Variants in KCTD16 observed in about 807,000 individuals in gnomAD.
KCTD16 encodes BTB/POZ domain-containing protein KCTD16.
A neutral mutation model predicts 33.2 loss-of-function variants in KCTD16; 13 were observed. That is an observed-to-expected ratio of 0.39 (90% CI 0.25 to 0.62). KCTD16 has a LOEUF of 0.62. Among genes scored for constraint, KCTD16 ranks in the 20% least tolerant of loss-of-function variants. The pLI, the probability that KCTD16 is intolerant of heterozygous loss-of-function variation, is 0.50. For synonymous variants in KCTD16, 197 were observed against 195.3 expected, an observed-to-expected ratio of 1.01 and a Z score of -0.07; for missense variants, 441 against 525.1, an observed-to-expected ratio of 0.84 and a Z score of 1.57.
chr5:144,320,863 A>G (rs1167761307), intron 3 of KCTD16, among the ~76,000 whole-genome samples: 1 of 151,872 alleles, frequency 6.6e-6, no homozygotes, highest in East Asian at 1.9e-4. Context: ...TGTAAATGCC[A>G]ATTCTTTTTG....
chr5:144,442,043 T>C (rs1435496557), intron 3 of KCTD16, among the ~76,000 whole-genome samples: 2 of 152,150 alleles, frequency 1.3e-5, no homozygotes, highest in Admixed American at 6.6e-5. Flanking sequence ...GACTTGCACA[T>C]CTTTTGTTAA....
chr5:144,442,735 C>G (rs1208064910), intron 3 of KCTD16, among the ~76,000 whole-genome samples: 1 of 152,060 alleles, frequency 6.6e-6, no homozygotes, highest in Non-Finnish European at 1.5e-5. Context: ...ACTCTCCACT[C>G]TCTGTTTCAC....
intron 2 of KCTD16, among the ~76,000 whole-genome samples, chr5:144,195,477 C>A (rs538791369): frequency 6.6e-6 from 1 of 152,274 alleles, no homozygotes; most frequent in Admixed American, 6.5e-5. Context: ...GCTTGGTCAC[C>A]TTTTGTCAGC....
intron 3 of KCTD16, among the ~76,000 whole-genome samples, chr5:144,428,940 T>A (rs1753395675): frequency 6.6e-6 from 1 of 152,184 alleles, no homozygotes. Context: ...TTAACATCAG[T>A]TGGCAAGAAT....
intron 3 of KCTD16, among the ~76,000 whole-genome samples, chr5:144,455,975 T>C (rs186952827): frequency 1.3e-5 from 2 of 152,042 alleles, no homozygotes; most frequent in Non-Finnish European, 2.9e-5. Flanking sequence ...CTGTGTCTCA[T>C]ACTATGCCAC....
intron 3 of KCTD16, among the ~76,000 whole-genome samples, chr5:144,399,091 C>T (rs557799654): frequency 2.2e-4 from 33 of 152,132 alleles, no homozygotes; most frequent in Non-Finnish European, 4.0e-4. Flanking sequence ...TGAACTCCTA[C>T]TATCTATGAA....
At chr5:144,443,600 C>G (rs1753759431) in intron 3 of KCTD16, among the ~76,000 whole-genome samples, 1 of 151,926 alleles carries the variant, frequency 6.6e-6, no homozygotes, top group Non-Finnish European at 1.5e-5. Context: ...TACTGATTTT[C>G]AAGATGATGA....
intron 2 of KCTD16, among the ~76,000 whole-genome samples, chr5:144,204,739 T>G (rs1445848788): frequency 6.6e-6 from 1 of 152,130 alleles, no homozygotes; most frequent in African/African-American, 2.4e-5. Context: ...CATCATTAAT[T>G]TCAGAGAGAG....
intron 3 of KCTD16, among the ~76,000 whole-genome samples, chr5:144,382,874 A>T (rs1752247035): frequency 6.6e-6 from 1 of 152,232 alleles, no homozygotes; most frequent in Admixed American, 6.5e-5. Context: ...CAGTAATGTC[A>T]CCACTAAATT....
intron 3 of KCTD16, among the ~76,000 whole-genome samples, chr5:144,438,489 C>T (rs1173458930): frequency 6.6e-6 from 1 of 152,190 alleles, no homozygotes; most frequent in Admixed American, 6.6e-5. Context: ...AGACAAGTTC[C>T]TATTTCATAG....
intron 3 of KCTD16, among the ~76,000 whole-genome samples, chr5:144,296,296 G>T (rs1370408732): frequency 6.6e-6 from 1 of 152,170 alleles, no homozygotes; most frequent in Non-Finnish European, 1.5e-5. Flanking sequence ...TTTATTAACT[G>T]AATGAATGCA....
intron 3 of KCTD16, among the ~76,000 whole-genome samples, chr5:144,219,191 GTCTCCC>G (rs1753657016): frequency 6.6e-6 from 1 of 152,054 alleles, no homozygotes; most frequent in African/African-American, 2.4e-5. Flanking sequence ...CAGGCATTTT[GTCTCCC>G]AGCTCTTTTA....
intron 3 of KCTD16, among the ~76,000 whole-genome samples, chr5:144,416,213 A>T (rs140121856): frequency 6.6e-6 from 1 of 152,344 alleles, no homozygotes; most frequent in African/African-American, 2.4e-5. Flanking sequence ...ACACAAGCTC[A>T]GTCCATCCAT....
intron 3 of KCTD16, among the ~76,000 whole-genome samples, chr5:144,430,136 A>G (rs1753425852): frequency 1.3e-5 from 2 of 152,100 alleles, no homozygotes; most frequent in South Asian, 2.1e-4. Flanking sequence ...TTGTGTGGTC[A>G]TTGTTTTTTC....
chr5:144,324,194 C>T (rs1322903767), intron 3 of KCTD16, among the ~76,000 whole-genome samples: 1 of 152,132 alleles, frequency 6.6e-6, no homozygotes, highest in Non-Finnish European at 1.5e-5. Flanking sequence ...CATGATGTAA[C>T]TAAATAGTAC....
chr5:144,325,807 C>T (rs1054656427), intron 3 of KCTD16, among the ~76,000 whole-genome samples: 1 of 152,138 alleles, frequency 6.6e-6, no homozygotes, highest in Admixed American at 6.6e-5. Context: ...CCCCTCACCC[C>T]TTGATTGTGA....
At chr5:144,299,123 T>TC (rs1756157636) in intron 3 of KCTD16, among the ~76,000 whole-genome samples, 1 of 22,344 alleles carries the variant, frequency 4.5e-5, no homozygotes, top group Non-Finnish European at 7.1e-5. Flanking sequence ...TATATATATA[T>TC]ATATATATAT....
intron 3 of KCTD16, among the ~76,000 whole-genome samples, chr5:144,246,786 G>A (rs996722049): frequency 2.0e-5 from 3 of 151,776 alleles, no homozygotes; most frequent in East Asian, 1.9e-4. Context: ...TGTCATCATC[G>A]TCTCCCCTTT....
intron 3 of KCTD16, among the ~76,000 whole-genome samples, chr5:144,263,403 C>A (rs541000352): frequency 6.6e-6 from 1 of 152,258 alleles, no homozygotes; most frequent in South Asian, 2.1e-4. Flanking sequence ...TTACCTTTAA[C>A]TCCTCAAACC....
Sources: allele counts gnomAD v4.1 joint callset (sites outside exome capture counted in the v4.1 genomes callset), GRCh38; gene constraint gnomAD v4.1.1; transcripts MANE v1.5; gene names NCBI Gene and HGNC (gene_info 2026-07-23, HGNC 2026-07-21).